DDX46: variants seen among roughly 807,000 people sequenced by gnomAD.
DDX46 encodes DEAD-box helicase 46.
A neutral mutation model predicts 134.9 loss-of-function variants in DDX46; 30 were observed. The observed-to-expected ratio is 0.22, with a 90% CI of 0.17 to 0.30. The LOEUF (loss-of-function observed/expected upper bound fraction) is 0.30. Among genes scored for constraint, DDX46 ranks in the 10% least tolerant of loss-of-function variants. DDX46 has a pLI of 1.00. For synonymous variants in DDX46, 415 were observed against 404.1 expected (o/e 1.03, Z -0.32); for missense variants, 622 against 1,248.7 (o/e 0.50, Z 7.56).
At position 134,786,374 on chromosome 5, in the gene DDX46, C is replaced by T. The variant is rs565864256; in HGVS notation, c.1464+788C>T. ...TTGAATCTTTTTACATAGATTATCC[C>T]TCCTCCCTCTTCCCCTGCCTGAGAA... On this transcript the variant is annotated intron_variant, in intron 11 of 22. Transcript: ENST00000452510. 6.2e-4 allele frequency among the ~76,000 whole-genome samples: 95 copies of T among 152,140 alleles called. 1 individual carries two copies. The highest frequency in any genetic ancestry group is 8.1e-4 in the Non-Finnish European group (55 of 68,006).
intron 15 of DDX46, chr5:134,797,305 C>T (rs961965538): frequency 9.8e-6 from 2 of 204,214 alleles, no homozygotes; most frequent in South Asian, 6.8e-5. Context: ...GCAATAGTTA[C>T]TTATTTTGCT....
At chr5:134,773,090 A>G (rs749431352) in intron 4 of DDX46, among the ~76,000 whole-genome samples, 64 of 151,892 alleles carry the variant, frequency 4.2e-4, no homozygotes, top group Non-Finnish European at 7.8e-4. Flanking sequence ...GTAAGCCACC[A>G]TGCCTGGCCA....
chr5:134,780,568 A>AATCAATC (rs1561857997), intron 6 of DDX46, among the ~76,000 whole-genome samples: 33 of 134,914 alleles, frequency 2.4e-4, no homozygotes, highest in African/African-American at 9.9e-4. Context: ...TTATCTCAAT[A>AATCAATC]AATAAATAAA....
At chr5:134,821,183 G>T (rs1415951095) in intron 21 of DDX46, among the ~76,000 whole-genome samples, 1 of 151,212 alleles carries the variant, frequency 6.6e-6, no homozygotes, top group Non-Finnish European at 1.5e-5. Flanking sequence ...GACTACAGGC[G>T]CCCACCACCA....
intron 10 of DDX46, 88 bp downstream of exon 10, chr5:134,784,629 G>A (rs1341955506): frequency 8.0e-6 from 11 of 1,378,204 alleles, no homozygotes; most frequent in Non-Finnish European, 7.7e-6. Flanking sequence ...TCTTAATTAT[G>A]ACAATGAAGT....
chr5:134,779,425 C>T (rs533199844), intron 6 of DDX46, among the ~76,000 whole-genome samples: 1 of 152,340 alleles, frequency 6.6e-6, no homozygotes, highest in Non-Finnish European at 1.5e-5. Flanking sequence ...AACTCCTGAC[C>T]TCAAATGATC....
intron 16 of DDX46, among the ~76,000 whole-genome samples, chr5:134,810,988 AGAGT>A (rs1352805810): frequency 6.6e-6 from 1 of 152,200 alleles, no homozygotes. Context: ...CCTGGGCAAC[AGAGT>A]GAGACTCCAT....
intron 16 of DDX46, 95 bp downstream of exon 16, chr5:134,808,036 A>C (rs1293250763): frequency 1.4e-5 from 16 of 1,168,030 alleles, no homozygotes; most frequent in Non-Finnish European, 1.9e-5. Flanking sequence ...TTATGGAGAC[A>C]TTTTGAAAAT....
chr5:134,759,946 C>G (rs1331537890), intron 1 of DDX46, among the ~76,000 whole-genome samples: 1 of 152,170 alleles, frequency 6.6e-6, no homozygotes, highest in Non-Finnish European at 1.5e-5. Context: ...CTCTCACTAC[C>G]CACAGCCTGT....
chr5:134,815,160 G>A (rs191634124), intron 18 of DDX46, among the ~76,000 whole-genome samples: 24 of 152,262 alleles, frequency 1.6e-4, no homozygotes, highest in African/African-American at 5.5e-4. Context: ...GAGATATGAG[G>A]AACCCTTGAG....
chr5:134,768,110 T>C (rs1753636782), intron 3 of DDX46, among the ~76,000 whole-genome samples: 2 of 135,208 alleles, frequency 1.5e-5, no homozygotes, highest in South Asian at 4.5e-4. Context: ...TAAGTGAAGA[T>C]TTTTTTTTTT....
chr5:134,765,530 G>A (rs1753541354), intron 2 of DDX46, among the ~76,000 whole-genome samples: 1 of 151,992 alleles, frequency 6.6e-6, no homozygotes. Flanking sequence ...TCCAGCCTGG[G>A]CGACAGATCA....
At chr5:134,828,467 A>G (rs1292286113) in intron 22 of DDX46, among the ~76,000 whole-genome samples, 192 bp from the exon 23 acceptor site, 1 of 152,198 alleles carries the variant, frequency 6.6e-6, no homozygotes, top group Non-Finnish European at 1.5e-5. Context: ...GTTATTGAAT[A>G]GTTTTTCCTT....
At chr5:134,766,615 G>A (rs1412632475) in intron 2 of DDX46, among the ~76,000 whole-genome samples, 4 of 152,160 alleles carry the variant, frequency 2.6e-5, no homozygotes, top group Non-Finnish European at 5.9e-5. Flanking sequence ...CAGCTGCTGG[G>A]GAGGCTGAGG....
Position 134,776,969 on chromosome 5 carries a change from T to G in DDX46, c.614-605T>G, listed in dbSNP as rs186037076. On this transcript the variant is annotated intron_variant, in intron 5 of 22. Transcript: ENST00000452510. ...GGCTCACGCCTGTAATCCCAGCACT[T>G]TGGGAGGCCGAGGCGGGCGGATCAC... Among the ~76,000 whole-genome samples, 689 of 150,834 alleles carry G rather than the reference T, an allele frequency of 4.6e-3. 3 individuals are homozygous for G. Among genetic ancestry groups the G allele is most frequent in the Non-Finnish European group, 6.2e-3 (419 of 67,864 alleles).
chr5:134,797,910 T>G (rs1246221422), intron 15 of DDX46, among the ~76,000 whole-genome samples: 2 of 152,092 alleles, frequency 1.3e-5, no homozygotes, highest in African/African-American at 2.4e-5. Context: ...CCTCCCACGT[T>G]CAAGTGATTC....
At chr5:134,813,994 T>C (rs914816894) in intron 18 of DDX46, among the ~76,000 whole-genome samples, 3 of 152,198 alleles carry the variant, frequency 2.0e-5, no homozygotes, top group African/African-American at 7.2e-5. Flanking sequence ...TTAAATAATT[T>C]GTAGCCATGT....
chr5:134,769,098 A>G (rs1753675413), intron 3 of DDX46, among the ~76,000 whole-genome samples: 1 of 152,136 alleles, frequency 6.6e-6, no homozygotes, highest in Non-Finnish European at 1.5e-5. Context: ...AGAACATTCG[A>G]AATGCATGTC....
chr5:134,808,810 T>C (rs748926220), intron 16 of DDX46, among the ~76,000 whole-genome samples: 2 of 152,202 alleles, frequency 1.3e-5, no homozygotes, highest in Non-Finnish European at 2.9e-5. Flanking sequence ...ATGATATATT[T>C]AATTTTCTAA....
Sources: allele counts gnomAD v4.1 joint callset (sites outside exome capture counted in the v4.1 genomes callset), GRCh38; gene constraint gnomAD v4.1.1; transcripts MANE v1.5; gene names NCBI Gene and HGNC (gene_info 2026-07-23, HGNC 2026-07-21).